NBAS: variants seen among roughly 807,000 people sequenced by gnomAD.
NBAS encodes the protein NAG/BC035112 fusion.
In NBAS, 219 loss-of-function variants were observed where a neutral mutation model predicts 302.5. That is an observed-to-expected ratio of 0.72 (90% CI 0.65 to 0.81). The LOEUF is 0.81. NBAS is among the 30% of genes least tolerant of loss of function. The pLI is 0.00. For synonymous variants in NBAS, 1,118 were observed against 1,021.6 expected, an observed-to-expected ratio of 1.09 and a Z score of -1.80; for missense variants, 2,932 against 2,841.6, an observed-to-expected ratio of 1.03 and a Z score of -0.72.
At chr2:15,291,510 C>T (rs367955220) in intron 41 of NBAS, among the ~76,000 whole-genome samples, 12 of 152,314 alleles carry the variant, frequency 7.9e-5, no homozygotes, top group African/African-American at 2.6e-4. Flanking sequence ...AAATACTTCT[C>T]ATTTGACCTG....
At chr2:15,464,809 A>G (rs1048387944) in intron 19 of NBAS, among the ~76,000 whole-genome samples, 7 of 152,110 alleles carry the variant, frequency 4.6e-5, no homozygotes, top group South Asian at 2.1e-4. Flanking sequence ...TATTCTAACC[A>G]TACTTCCCAC....
chr2:15,470,037 C>T (rs912380975), intron 16 of NBAS, among the ~76,000 whole-genome samples: 5 of 151,972 alleles, frequency 3.3e-5, no homozygotes, highest in African/African-American at 9.7e-5. Context: ...TGCCCTCTTC[C>T]TAGAAAGAGC....
the NBAS span, among the ~76,000 whole-genome samples, chr2:14,902,739 G>C: frequency 6.6e-6 from 1 of 152,140 alleles, no homozygotes; most frequent in Admixed American, 6.5e-5. Context: ...ATCGAAAAAT[G>C]GTAATAAGTT....
the NBAS span, among the ~76,000 whole-genome samples, chr2:14,819,470 T>C: frequency 6.6e-6 from 1 of 152,368 alleles, no homozygotes; most frequent in Non-Finnish European, 1.5e-5. Context: ...CTATGAAGTA[T>C]GTATTAGGAA....
At chr2:15,327,322 G>A (rs1008126367) in intron 38 of NBAS, among the ~76,000 whole-genome samples, 6 of 152,178 alleles carry the variant, frequency 3.9e-5, no homozygotes, top group East Asian at 1.9e-4. Flanking sequence ...AGCTGTCTTC[G>A]GTAAACTTGC....
intron 34 of NBAS, among the ~76,000 whole-genome samples, chr2:15,353,235 A>T (rs1013640888): frequency 6.6e-6 from 1 of 152,146 alleles, no homozygotes; most frequent in Non-Finnish European, 1.5e-5. Context: ...GATTTCAGAC[A>T]TATTTTACAT....
At chr2:15,004,475 T>C in the NBAS span, among the ~76,000 whole-genome samples, 1 of 152,164 alleles carries the variant, frequency 6.6e-6, no homozygotes, top group African/African-American at 2.4e-5. Flanking sequence ...TGATGATTTA[T>C]TACCTGCCAA....
the NBAS span, among the ~76,000 whole-genome samples, chr2:14,920,146 A>AT: frequency 6.6e-6 from 1 of 152,220 alleles, no homozygotes; most frequent in Non-Finnish European, 1.5e-5. Context: ...CAGAATGGAT[A>AT]TTGTGGCAGC....
the NBAS span, among the ~76,000 whole-genome samples, chr2:15,160,815 C>G: frequency 6.6e-6 from 1 of 152,196 alleles, no homozygotes; most frequent in Non-Finnish European, 1.5e-5. Flanking sequence ...TGGGTGAGGT[C>G]AGCTGGGATA....
chr2:15,217,754 T>C (rs1031902009), intron 48 of NBAS, among the ~76,000 whole-genome samples: 1 of 152,264 alleles, frequency 6.6e-6, no homozygotes, highest in Non-Finnish European at 1.5e-5. Flanking sequence ...GAATTAGCAT[T>C]CTTATTTATT....
intron 48 of NBAS, among the ~76,000 whole-genome samples, chr2:15,200,567 T>C (rs1217806005): frequency 2.0e-5 from 3 of 152,216 alleles, no homozygotes; most frequent in African/African-American, 4.8e-5. Flanking sequence ...GCACCTGTAA[T>C]AGTTAGTGTT....
chr2:15,064,012 A>G, the NBAS span, among the ~76,000 whole-genome samples: 2 of 152,180 alleles, frequency 1.3e-5, no homozygotes, highest in Non-Finnish European at 2.9e-5. Flanking sequence ...GAAAGAGGGC[A>G]GTAGAATGTT....
intron 9 of NBAS, among the ~76,000 whole-genome samples, chr2:15,524,643 T>C (rs953984370): frequency 6.6e-6 from 1 of 152,182 alleles, no homozygotes; most frequent in African/African-American, 2.4e-5. Context: ...AAATGAAATT[T>C]ATTGCTATCC....
At chr2:15,490,572 G>T (rs1384742220) in intron 11 of NBAS, among the ~76,000 whole-genome samples, 1 of 152,158 alleles carries the variant, frequency 6.6e-6, no homozygotes, top group Non-Finnish European at 1.5e-5. Context: ...AAGCTCCATG[G>T]TTTTGTATAA....
At chr2:15,489,718 T>A (rs1234258947) in intron 11 of NBAS, among the ~76,000 whole-genome samples, 1 of 152,202 alleles carries the variant, frequency 6.6e-6, no homozygotes. Context: ...TTCCAGTCCT[T>A]CTTGTCCAAA....
chr2:15,525,544 C>G (rs1572968896), intron 9 of NBAS, among the ~76,000 whole-genome samples: 1 of 152,148 alleles, frequency 6.6e-6, no homozygotes, highest in African/African-American at 2.4e-5. Context: ...TGGCACAACT[C>G]TATACATTTA....
chr2:15,440,292 G>A (rs1678299167), intron 21 of NBAS, among the ~76,000 whole-genome samples: 1 of 152,130 alleles, frequency 6.6e-6, no homozygotes, highest in Non-Finnish European at 1.5e-5. Context: ...ACACGGCCCG[G>A]TACTCCGCTG....
chr2:15,041,996 C>A, the NBAS span, among the ~76,000 whole-genome samples: 1 of 152,202 alleles, frequency 6.6e-6, no homozygotes, highest in African/African-American at 2.4e-5. Context: ...GAAGGTGATA[C>A]GTGTTTGTGC....
At position 15,275,542 on chromosome 2, in the gene NBAS, G is replaced by A; in HGVS notation, c.5666C>T (p.Pro1889Leu). Residue 1889 changes from proline to leucine, a missense_variant, in exon 44 of 52, where the codon CCA becomes CTA. Transcript: ENST00000281513. ...ATCTACCACAGTGATGAGGTCACCTGGGTGGAGACGATCAAAGTACTTCAT... is the reference window on the plus strand; with the variant it reads ...ATCTACCACAGTGATGAGGTCACCTAGGTGGAGACGATCAAAGTACTTCAT... Reference protein sequence around the residue: ...VCMKYFDRLHPGDLITVVDAV... With the variant: ...VCMKYFDRLHLGDLITVVDAV... 1 of 1,614,036 alleles carries A rather than the reference G, an allele frequency of 6.2e-7. No individual in the cohort carries two copies. Among genetic ancestry groups the A allele is most frequent in the East Asian group, 2.2e-5 (1 of 44,874 alleles).
Sources: allele counts gnomAD v4.1 joint callset (sites outside exome capture counted in the v4.1 genomes callset), GRCh38; gene constraint gnomAD v4.1.1; transcripts MANE v1.5; gene names NCBI Gene and HGNC (gene_info 2026-07-23, HGNC 2026-07-21).